The following RAD51B variants were observed in gnomAD, a reference collection of about 807,000 sequenced individuals.
RAD51B encodes RAD51 paralog B, also known as DNA repair protein RAD51 homolog 2.
A neutral mutation model predicts 42.2 loss-of-function variants in RAD51B; 38 were observed. That is an observed-to-expected ratio of 0.90 (90% CI 0.70 to 1.18). The LOEUF (loss-of-function observed/expected upper bound fraction) is 1.18. Ranked by LOEUF, RAD51B falls within the 50% of genes most tolerant of loss-of-function variation. RAD51B has a pLI of 0.00. For missense variants in RAD51B, 373 were observed against 400.7 expected (o/e 0.93, Z 0.59); for synonymous variants, 154 against 145.2 (o/e 1.06, Z -0.43).
At chr14:67,998,094 CA>C (rs1358318283) in intron 7 of RAD51B, among the ~76,000 whole-genome samples, 2 of 152,142 alleles carry the variant, frequency 1.3e-5, no homozygotes, top group African/African-American at 4.8e-5. Context: ...CCAACAGTAT[CA>C]ATGTCACCTT....
chr14:68,586,874 G>A (rs535340010), intron 10 of RAD51B, among the ~76,000 whole-genome samples: 21 of 152,220 alleles, frequency 1.4e-4, no homozygotes, highest in East Asian at 5.8e-4. Context: ...GTGTGGTGGC[G>A]TGTGCCTGTA....
chr14:68,320,251 G>C (rs1458465033), intron 8 of RAD51B, among the ~76,000 whole-genome samples: 1 of 152,206 alleles, frequency 6.6e-6, no homozygotes, highest in Non-Finnish European at 1.5e-5. Context: ...CAATGCAATA[G>C]ACGCAGAAAT....
chr14:68,090,738 A>T (rs2140516441), intron 7 of RAD51B, among the ~76,000 whole-genome samples: 1 of 151,132 alleles, frequency 6.6e-6, no homozygotes, highest in South Asian at 2.1e-4. Flanking sequence ...TTTAGGGTAC[A>T]TGTGCACAAC....
chr14:67,964,514 G>GCA (rs149082747), intron 7 of RAD51B, among the ~76,000 whole-genome samples: 2,230 of 152,280 alleles, frequency 0.015, 58 homozygotes, highest in African/African-American at 0.05. Flanking sequence ...TGCCTACAGG[G>GCA]CACACCCCAG....
chr14:67,857,416 A>C (rs1288112527), intron 4 of RAD51B, among the ~76,000 whole-genome samples: 1 of 152,244 alleles, frequency 6.6e-6, no homozygotes, highest in Non-Finnish European at 1.5e-5. Flanking sequence ...ACATAAAAAT[A>C]ATGAAGTAGG....
intron 10 of RAD51B, among the ~76,000 whole-genome samples, chr14:68,519,350 G>A (rs1355160826): frequency 2.6e-5 from 4 of 152,202 alleles, no homozygotes; most frequent in African/African-American, 9.7e-5. Flanking sequence ...GTAGAGCCTG[G>A]GGAAATGCTT....
intron 7 of RAD51B, among the ~76,000 whole-genome samples, chr14:68,241,676 T>C (rs1321719111): frequency 6.6e-6 from 1 of 152,226 alleles, no homozygotes; most frequent in African/African-American, 2.4e-5. Flanking sequence ...TTTTATTTTT[T>C]TTTTAAATAG....
chr14:68,423,062 C>A (rs532422320), intron 9 of RAD51B, among the ~76,000 whole-genome samples: 2 of 152,302 alleles, frequency 1.3e-5, no homozygotes, highest in South Asian at 4.1e-4. Context: ...GTTGGACATT[C>A]ATTTTATTGT....
chr14:68,432,767 G>T (rs991124017), intron 9 of RAD51B, among the ~76,000 whole-genome samples: 1 of 152,096 alleles, frequency 6.6e-6, no homozygotes, highest in Non-Finnish European at 1.5e-5. Flanking sequence ...GGTTAATATT[G>T]TTATGTGTGA....
chr14:68,122,982 GACACACACACAC>G, intron 7 of RAD51B, among the ~76,000 whole-genome samples: 1 of 143,126 alleles, frequency 7.0e-6, no homozygotes, highest in Admixed American at 7.0e-5. Context: ...CACACACACA[GACACACACACAC>G]AAATGCATAG....
At chr14:68,677,860 C>G (rs1282994967) in intron 11 of RAD51B, among the ~76,000 whole-genome samples, 1 of 152,134 alleles carries the variant, frequency 6.6e-6, no homozygotes, top group Non-Finnish European at 1.5e-5. Flanking sequence ...TGATAAGATG[C>G]CATCCGAGTA....
chr14:68,428,498 C>T (rs942924982), intron 9 of RAD51B, among the ~76,000 whole-genome samples: 8 of 151,832 alleles, frequency 5.3e-5, no homozygotes, highest in East Asian at 1.9e-4. Flanking sequence ...ATAACTGAAA[C>T]GGTGTATCCA....
At chr14:68,290,365 T>G (rs1462131040) in intron 7 of RAD51B, among the ~76,000 whole-genome samples, 1 of 152,254 alleles carries the variant, frequency 6.6e-6, no homozygotes, top group Non-Finnish European at 1.5e-5. Flanking sequence ...ATTGTGGTAT[T>G]CATTATGTTA....
chr14:68,588,103 A>G (rs1405657653), intron 10 of RAD51B, among the ~76,000 whole-genome samples: 1 of 152,186 alleles, frequency 6.6e-6, no homozygotes, highest in African/African-American at 2.4e-5. Context: ...AGCACAGGAA[A>G]GAACATATGG....
intron 7 of RAD51B, among the ~76,000 whole-genome samples, chr14:68,075,053 G>T (rs1444590658): frequency 6.6e-6 from 1 of 152,186 alleles, no homozygotes; most frequent in Non-Finnish European, 1.5e-5. Context: ...CCCAAGCTTG[G>T]AACCTTGGCA....
intron 7 of RAD51B, among the ~76,000 whole-genome samples, chr14:68,211,731 T>C (rs543343746): frequency 1.3e-5 from 2 of 152,280 alleles, no homozygotes; most frequent in East Asian, 1.9e-4. Flanking sequence ...AATGCACCAG[T>C]GTGTCAGAAA....
intron 10 of RAD51B, among the ~76,000 whole-genome samples, chr14:68,631,784 A>T (rs1312058281): frequency 6.6e-6 from 1 of 152,084 alleles, no homozygotes; most frequent in Non-Finnish European, 1.5e-5. Context: ...CTCACCCTTG[A>T]AGACGCCGCT....
intron 7 of RAD51B, among the ~76,000 whole-genome samples, chr14:68,101,890 C>A (rs1358810954): frequency 6.6e-6 from 1 of 152,216 alleles, no homozygotes; most frequent in Admixed American, 6.5e-5. Flanking sequence ...TATGAGGGCT[C>A]CACCTCTACA....
chr14:68,600,844 T>C (rs1891188587), downstream of RAD51B, among the ~76,000 whole-genome samples: 1 of 152,184 alleles, frequency 6.6e-6, no homozygotes, highest in Non-Finnish European at 1.5e-5. Flanking sequence ...TAGTGGGCTG[T>C]CCTGGATATT....
Sources: gnomAD v4.1 joint callset for allele counts (sites outside exome capture counted in the v4.1 genomes callset) on GRCh38, gnomAD v4.1.1 for gene constraint, MANE v1.5 for transcripts, NCBI Gene and HGNC (gene_info 2026-07-23, HGNC 2026-07-21) for gene names.